The following GSTA3 variants were observed in gnomAD, a reference collection of about 807,000 sequenced individuals.
GSTA3 encodes glutathione S-transferase A3.
Under a neutral mutation model 23.1 loss-of-function variants are expected in GSTA3, and 16 were observed. That is an observed-to-expected ratio of 0.69 (90% CI 0.47 to 1.05). GSTA3 has a LOEUF of 1.05. Ranked by LOEUF, GSTA3 falls within the 50% of genes least tolerant of loss-of-function variation. The probability of loss-of-function intolerance (pLI) is 0.00; values close to 1 mark genes in which losing one functional copy is unlikely to be tolerated. For missense variants in GSTA3, 319 were observed against 263.6 expected (o/e 1.21, Z -1.46); for synonymous variants, 122 against 91.0 (o/e 1.34, Z -1.94).
chr6:52,902,630 C>T, intron 3 of GSTA3, 152 bp from the exon 4 acceptor site: 3 of 753,826 alleles, frequency 4.0e-6, no homozygotes, highest in Non-Finnish European at 6.4e-6. Flanking sequence ...TTGATTTTAG[C>T]TGCCTGTAGT....
intron 2 of GSTA3, 42 bp from the exon 3 acceptor site, chr6:52,903,769 C>A: frequency 8.6e-7 from 1 of 1,160,928 alleles, no homozygotes; most frequent in Non-Finnish European, 1.3e-6. Context: ...TAGTTCGTTC[C>A]ATAGCATTAC....
chr6:52,905,622 C>A, intron 2 of GSTA3, 126 bp downstream of exon 2: 1 of 525,422 alleles, frequency 1.9e-6, no homozygotes, highest in Non-Finnish European at 3.4e-6. Context: ...AAAAAAATAA[C>A]TGGGGATGCT....
Position 52,896,904 on chromosome 6 carries a change from G to A in GSTA3, c.571C>T (p.Leu191=), listed in dbSNP as rs146768751. 31 of 1,613,952 alleles carry A rather than the reference G, an allele frequency of 1.9e-5. No individual in the cohort carries two copies. Among genetic ancestry groups the A allele is most frequent in the African/African-American group, 1.1e-4 (8 of 74,916 alleles). Residue 191 remains leucine, a synonymous_variant, in exon 7 of 7, where the codon CTG becomes TTG. Coordinates refer to ENST00000211122, the MANE Select transcript of GSTA3 (RefSeq NM_000847.5). ...LKALKTRISN[L]PTVKKFLQPG... ...TGTAGAAACTTCTTCACCGTGGGCA[G>A]GTTGCTGATTCTGGTTTTCAGGGCC...
chr6:52,905,059 T>C (rs1016873772), intron 2 of GSTA3, among the ~76,000 whole-genome samples: 2 of 152,180 alleles, frequency 1.3e-5, no homozygotes, highest in African/African-American at 4.8e-5. Context: ...CACAATCCAC[T>C]CCCTCCCTGA....
At chr6:52,908,664 A>C (rs1765973709) in intron 1 of GSTA3, among the ~76,000 whole-genome samples, 1 of 152,220 alleles carries the variant, frequency 6.6e-6, no homozygotes, top group Admixed American at 6.5e-5. Context: ...ACTACACAAA[A>C]AATATTTTTT....
In GSTA3 at chr6:52,899,921, C is replaced by T. The variant is rs550418966; in HGVS notation, c.414+13G>A. Reference sequence around the variant, plus strand: ...AAACTCAGTGCCCCAAAATGCTGAACAGCTTCACCTACTTTTTCGAAGGCA... The same window carrying T: ...AAACTCAGTGCCCCAAAATGCTGAATAGCTTCACCTACTTTTTCGAAGGCA... On this transcript the variant is annotated intron_variant, in intron 5 of 6. Coordinates refer to ENST00000211122, the MANE Select transcript of GSTA3 (RefSeq NM_000847.5). 6.2e-7 allele frequency: 1 copy of T among 1,613,862 alleles called. No homozygotes were observed. Among genetic ancestry groups the T allele is most frequent in the Non-Finnish European group, 8.5e-7 (1 of 1,179,840 alleles).
Position 52,903,696 on chromosome 6 carries a change from T to G in GSTA3, c.119A>C (p.Asp40Ala). Residue 40 changes from aspartate to alanine, a missense_variant, in exon 3 of 7, where the codon GAT becomes GCT. Transcript: ENST00000211122. ...CTTACCATTTCTTAACTTTCCCAAA[T>G]CTTCTGCAGATCCTATAAATTTCTC... is the stretch of plus-strand genomic sequence containing the variant. ...FEEKFIGSAE[D>A]LGKLRNDGSL... 1 of 1,591,190 alleles carries G rather than the reference T, an allele frequency of 6.3e-7. No homozygotes were observed. The highest frequency in any genetic ancestry group is 8.6e-7 in the Non-Finnish European group (1 of 1,159,654).
rs190050049 is a variant in GSTA3, at chr6:52,906,236, A to C, written c.-21-381T>G. Among the ~76,000 whole-genome samples, 111 of 152,304 alleles carry C rather than the reference A, an allele frequency of 7.3e-4. 1 individual carries two copies. Among genetic ancestry groups the C allele is most frequent in the African/African-American group, 2.5e-3 (105 of 41,564 alleles). ...TTCCCAAATTATTGAGCTAGAAGGG[A>C]TCTAGCTAGCCCTTCCTCCAGGTTT... On this transcript the variant is annotated intron_variant, in intron 1 of 6. Transcript: ENST00000211122.
intron 4 of GSTA3, among the ~76,000 whole-genome samples, chr6:52,902,020 G>A (rs898888352): frequency 6.6e-6 from 1 of 152,188 alleles, no homozygotes; most frequent in African/African-American, 2.4e-5. Flanking sequence ...TAAGCTGTTG[G>A]CTGGAGTCCA....
Position 52,899,946 on chromosome 6 carries a change from A to G in GSTA3, c.402T>C (p.Pro134=). Residue 134 remains proline (P), a synonymous_variant, in exon 5 of 7, where the codon CCT becomes CCC. Transcript: ENST00000211122. ...CAGCTTCACCTACTTTTTCGAAGGC[A>G]GGGAAATAGCGACTTTTTGTTTTCT... ...IKEKTKSRYF[P]AFEKVLQSHG... 6.2e-7 allele frequency: 1 copy of G among 1,614,024 alleles called. No homozygotes were observed.
At chr6:52,908,859 T>A (rs1765979183) in intron 1 of GSTA3, among the ~76,000 whole-genome samples, 1 of 152,162 alleles carries the variant, frequency 6.6e-6, no homozygotes, top group South Asian at 2.1e-4. Flanking sequence ...ATATTTAGAT[T>A]CACTTGCAAT....
chr6:52,905,667 G>C (rs901951546), intron 2 of GSTA3, 81 bp downstream of exon 2: 15 of 791,148 alleles, frequency 1.9e-5, no homozygotes, highest in South Asian at 1.4e-4. Flanking sequence ...AGGTCATCTA[G>C]TATGGAAGTC....
chr6:52,902,757 G>T (rs1052459620), intron 3 of GSTA3, among the ~76,000 whole-genome samples: 1 of 152,170 alleles, frequency 6.6e-6, no homozygotes, highest in African/African-American at 2.4e-5. Context: ...TTATCGTCAT[G>T]ATATTTTAGG....
intron 1 of GSTA3, among the ~76,000 whole-genome samples, chr6:52,907,568 C>A (rs1467994331): frequency 6.6e-6 from 1 of 150,846 alleles, no homozygotes; most frequent in African/African-American, 2.4e-5. Flanking sequence ...GACTTGGAAC[C>A]AACCCAAATG....
At chr6:52,898,395 T>C (rs996762711) in intron 5 of GSTA3, among the ~76,000 whole-genome samples, 1 of 152,162 alleles carries the variant, frequency 6.6e-6, no homozygotes, top group African/African-American at 2.4e-5. Context: ...GAGTAGACTA[T>C]TTCAGAGTCT....
At chr6:52,905,097 A>G (rs922528522) in intron 2 of GSTA3, among the ~76,000 whole-genome samples, 10 of 152,304 alleles carry the variant, frequency 6.6e-5, no homozygotes, top group Admixed American at 5.9e-4. Context: ...GTTTATGTTT[A>G]ATGACATTTA....
At chr6:52,904,769 GC>G (rs1765835512) in intron 2 of GSTA3, among the ~76,000 whole-genome samples, 1 of 152,212 alleles carries the variant, frequency 6.6e-6, no homozygotes, top group Non-Finnish European at 1.5e-5. Context: ...GCAGCACTTA[GC>G]GGAGTCCCAC....
At chr6:52,906,217 A>C (rs1030102793) in intron 1 of GSTA3, among the ~76,000 whole-genome samples, 1 of 152,174 alleles carries the variant, frequency 6.6e-6, no homozygotes, top group African/African-American at 2.4e-5. Context: ...AGAGTTCCCA[A>C]ATTATTGAGC....
At chr6:52,903,093 A>T (rs995944776) in intron 3 of GSTA3, among the ~76,000 whole-genome samples, 2 of 152,146 alleles carry the variant, frequency 1.3e-5, no homozygotes. Context: ...CGGTGCCCCA[A>T]GCATGAAAAC....
Sources: gnomAD v4.1 joint callset for allele counts (sites outside exome capture counted in the v4.1 genomes callset) on GRCh38, gnomAD v4.1.1 for gene constraint, MANE v1.5 for transcripts, NCBI Gene and HGNC (gene_info 2026-07-23, HGNC 2026-07-21) for gene names.